The following SERINC2 variants were observed in gnomAD, a reference collection of about 807,000 sequenced individuals.
The protein encoded by SERINC2 is serine incorporator 2.
In SERINC2, 56 loss-of-function variants were observed where a neutral mutation model predicts 54.2. That is an observed-to-expected ratio of 1.03 (90% CI 0.83 to 1.29). SERINC2 has a LOEUF of 1.29. SERINC2 is among the 50% of genes most tolerant of loss of function. The pLI is 0.00. For missense variants in SERINC2, 614 were observed against 607.4 expected (o/e 1.01, Z -0.12); for synonymous variants, 272 against 253.1 (o/e 1.07, Z -0.71).
rs782357225 is a variant in SERINC2 at position 31,434,251 on chromosome 1, G to T, written c.*52G>T. On this transcript the variant is annotated 3_prime_UTR_variant, in exon 10 of 10. Transcript: ENST00000373709. The stretch of plus-strand genomic sequence containing the variant: ...GCCTCCTGCCACCTGGTGCCTCTCG[G>T]CTCAGTGACAGCCAACCTGCCCCCT... 3 of 1,581,450 alleles carry T rather than the reference G, an allele frequency of 1.9e-6. No homozygotes were observed. The highest frequency in any genetic ancestry group is 4.5e-5 in the East Asian group (2 of 44,730).
chr1:31,432,336 T>C (rs1411511222), intron 8 of SERINC2, among the ~76,000 whole-genome samples: 1 of 151,894 alleles, frequency 6.6e-6, no homozygotes, highest in Non-Finnish European at 1.5e-5. Flanking sequence ...AGTTGGTTTT[T>C]CAAAAATTTT....
chr1:31,427,828 T>G (rs1346941426), intron 6 of SERINC2, among the ~76,000 whole-genome samples: 1 of 127,970 alleles, frequency 7.8e-6, no homozygotes, highest in East Asian at 2.1e-4. Flanking sequence ...TTCTTTCTTT[T>G]TTTTTTTTTT....
intron 1 of SERINC2, among the ~76,000 whole-genome samples, chr1:31,415,053 G>A (rs558066768): frequency 5.3e-5 from 8 of 152,308 alleles, no homozygotes; most frequent in East Asian, 1.9e-4. Flanking sequence ...AATGCTGAGA[G>A]CAGATAGGAC....
intron 8 of SERINC2, 127 bp from the exon 9 acceptor site, chr1:31,432,840 A>C: frequency 1.5e-6 from 1 of 684,686 alleles, no homozygotes; most frequent in South Asian, 1.8e-5. Context: ...TGAGAGGCAA[A>C]GCAGTTTGTT....
intron 1 of SERINC2, among the ~76,000 whole-genome samples, chr1:31,416,842 C>T (rs1176290797): frequency 1.3e-5 from 2 of 152,174 alleles, no homozygotes; most frequent in African/African-American, 4.8e-5. Flanking sequence ...GCCTCAGCCT[C>T]CCGAGTAGCT....
upstream of SERINC2, chr1:31,409,817 C>G (rs536518697): frequency 6.4e-7 from 1 of 1,553,956 alleles, no homozygotes; most frequent in Non-Finnish European, 8.7e-7. Context: ...GGGCTCAAAG[C>G]CGGCACACAT....
At chr1:31,431,803 G>GATAGGATGA (rs1641223742) in intron 8 of SERINC2, among the ~76,000 whole-genome samples, 7 of 142,140 alleles carry the variant, frequency 4.9e-5, no homozygotes, top group African/African-American at 1.9e-4. Context: ...GGATAGGGTG[G>GATAGGATGA]ACAGGGTGGA....
chr1:31,428,439 T>C (rs1553133914), intron 6 of SERINC2, among the ~76,000 whole-genome samples: 1 of 151,636 alleles, frequency 6.6e-6, no homozygotes, highest in African/African-American at 2.4e-5. Context: ...CCCAGTGAGG[T>C]GATTTTGGGT....
At chr1:31,411,567 G>A (rs1640649480), upstream of SERINC2, among the ~76,000 whole-genome samples, 1 of 152,090 alleles carries the variant, frequency 6.6e-6, no homozygotes, top group African/African-American at 2.4e-5. Flanking sequence ...GAGGCTTGGG[G>A]GAATCAGGAG....
At chr1:31,431,604 A>G (rs554155130) in intron 8 of SERINC2, among the ~76,000 whole-genome samples, 52 of 152,326 alleles carry the variant, frequency 3.4e-4, no homozygotes, top group African/African-American at 1.2e-3. Context: ...TCCCTGGCAC[A>G]TGCACTGCTG....
chr1:31,425,914 G>A lies in SERINC2; in HGVS notation c.610+1G>A, dbSNP rs1553133544. The A allele has an allele frequency of 1.9e-6, 3 of 1,610,528 alleles. No homozygotes were observed. The South Asian group carries it at 3.3e-5, about 18-fold the overall frequency. On this transcript the variant is annotated splice_donor_variant, in intron 5 of 9. Transcript: ENST00000373709. LOFTEE classifies it high-confidence loss of function. ...TGCGATTCCCGTGCCTGGTACGCAG[G>A]TCAGTGCTGCCACCCTGCCTCCGTG... is the stretch of plus-strand genomic sequence containing the variant.
intron 1 of SERINC2, among the ~76,000 whole-genome samples, chr1:31,414,932 C>T (rs1640748196): frequency 6.6e-6 from 1 of 152,134 alleles, no homozygotes; most frequent in South Asian, 2.1e-4. Flanking sequence ...CCTGGCATAT[C>T]GTGAGTGCTC....
intron 8 of SERINC2, among the ~76,000 whole-genome samples, chr1:31,432,191 T>TGGACAGGG (rs1641311423): frequency 2.8e-5 from 1 of 36,210 alleles, no homozygotes; most frequent in Non-Finnish European, 7.5e-5. Flanking sequence ...GATAGGGTGG[T>TGGACAGGG]TAGAGTGGAG....
intron 6 of SERINC2, among the ~76,000 whole-genome samples, chr1:31,427,298 C>T (rs1233317470): frequency 6.6e-6 from 1 of 152,182 alleles, no homozygotes; most frequent in Non-Finnish European, 1.5e-5. Flanking sequence ...GAATAATGGG[C>T]AGGAGCTCCC....
rs117821132 is a variant in SERINC2, at chr1:31,413,562, G to A, written c.39+258G>A. On this transcript the variant is annotated intron_variant, in intron 1 of 9. Transcript: ENST00000373709. This position sits in a 1 kb window ranked among gnomAD's most constrained non-coding sequence, Gnocchi z 5.0. The stretch of plus-strand genomic sequence containing the variant: ...GCTCGGGTTTCCGCGGGCAGGAGGG[G>A]AGTGCCCTCGGCGGGCGCCCTCCTG... Among the ~76,000 whole-genome samples, 824 of 151,788 alleles carry A rather than the reference G, an allele frequency of 5.4e-3. 63 individuals carry two copies. The East Asian group carries it at 0.14, about 25-fold the overall frequency.
At chr1:31,424,907 C>A in intron 3 of SERINC2, 34 bp downstream of exon 3, 1 of 1,570,482 alleles carries the variant, frequency 6.4e-7, no homozygotes, top group Non-Finnish European at 8.7e-7. Context: ...ACCCTGGGAC[C>A]TTCCCCCAGT....
In SERINC2 at chr1:31,413,753, AC is replaced by A; in HGVS notation, c.39+453del. On this transcript the variant is annotated intron_variant, in intron 1 of 9. Transcript: ENST00000373709. The surrounding 1 kb of genome is among the most constrained non-coding windows in gnomAD (Gnocchi z 5.0). Reference sequence around the variant, plus strand: ...TCCCTCCTGGCGAGTGCCCTGCCCTACCCCTCTGGCCGCCTGCCAGTCCGCC... The same window carrying A: ...TCCCTCCTGGCGAGTGCCCTGCCCTACCCTCTGGCCGCCTGCCAGTCCGCC... 7.3e-7 allele frequency: 1 copy of A among 1,366,118 alleles called. No individual in the cohort carries two copies. Among genetic ancestry groups the A allele is most frequent in the Non-Finnish European group, 9.4e-7 (1 of 1,066,078 alleles). 84.6% of individuals were successfully genotyped at this position (1,366,118 alleles called of 1,614,324 possible).
intron 1 of SERINC2, among the ~76,000 whole-genome samples, chr1:31,416,351 T>C (rs1468284355): frequency 6.6e-6 from 1 of 152,198 alleles, no homozygotes; most frequent in Non-Finnish European, 1.5e-5. Flanking sequence ...TCGGAGCCCC[T>C]GTACTCTCCT....
intron 5 of SERINC2, 106 bp downstream of exon 5, chr1:31,426,019 C>T (rs2148520348): frequency 1.6e-6 from 2 of 1,220,492 alleles, no homozygotes; most frequent in Non-Finnish European, 2.3e-6. Context: ...GGGGGGCATC[C>T]CTAGCAGCCA....
Sources: allele counts gnomAD v4.1 joint callset (sites outside exome capture counted in the v4.1 genomes callset), GRCh38; gene constraint gnomAD v4.1.1; non-coding constraint Gnocchi (gnomAD v3.1); transcripts MANE v1.5; gene names NCBI Gene and HGNC (gene_info 2026-07-23, HGNC 2026-07-21).